Variants in MYO7B observed in about 807,000 individuals in gnomAD.
The protein encoded by MYO7B is unconventional myosin-VIIb.
MYO7B carries 212 observed loss-of-function variants against 259.7 expected under a neutral mutation model. The observed-to-expected ratio is 0.82, with a 90% CI of 0.73 to 0.91. The LOEUF (loss-of-function observed/expected upper bound fraction) is 0.91. MYO7B is among the 40% of genes least tolerant of loss of function. The pLI, the probability that MYO7B is intolerant of heterozygous loss-of-function variation, is 0.00. For synonymous variants in MYO7B, 1,197 were observed against 1,166.4 expected (o/e 1.03, Z -0.54); for missense variants, 2,732 against 2,813.5 (o/e 0.97, Z 0.66).
intron 1 of MYO7B, among the ~76,000 whole-genome samples, chr2:127,558,597 A>T (rs1677924007): frequency 6.6e-6 from 1 of 152,238 alleles, no homozygotes; most frequent in Non-Finnish European, 1.5e-5. Context: ...AACCAGCCCA[A>T]ATGCCTATCA....
Position 127,592,951 on chromosome 2 carries a change from G to C in MYO7B, c.2145+5G>C. 1 of 1,580,360 alleles carries C rather than the reference G, an allele frequency of 6.3e-7. No individual in the cohort carries two copies. The highest frequency in any genetic ancestry group is 1.2e-5 in the South Asian group (1 of 86,260). On this transcript the variant is annotated splice_donor_5th_base_variant and intron_variant, in intron 17 of 47. Transcript: ENST00000409816. Reference sequence around the variant, plus strand: ...CCCAACGCCATGCGGATGCAGGTCAGCGCCCCTCGGGGACGGTCACCTCTG... The same window carrying C: ...CCCAACGCCATGCGGATGCAGGTCACCGCCCCTCGGGGACGGTCACCTCTG...
rs1366714358 is a variant in MYO7B, at chr2:127,565,315, G to T, written c.215G>T (p.Arg72Leu). 1.2e-6 allele frequency: 2 copies of T among 1,614,042 alleles called. No individual in the cohort carries two copies. Among genetic ancestry groups the T allele is most frequent in the Admixed American group, 1.7e-5 (1 of 60,036 alleles). Residue 72 changes from arginine to leucine, a missense_variant, in exon 4 of 48, where the codon CGC (arginine) becomes CTC (leucine). This residue lies in a region of MYO7B where 1,906 missense variants were observed against 2,026.4 expected (regional missense o/e 0.94). Transcript: ENST00000409816. ...GTCCAGGGTGTGGACGACATGATCC[G>T]CCTGGGGGACCTGAACGAGGCAGGC... The part of the protein sequence containing the change: ...NSVQGVDDMI[R>L]LGDLNEAGMV...
rs1260921119 is a variant in MYO7B, at chr2:127,627,951, T to C, written c.4461-421T>C. The C allele has an allele frequency of 2.2e-6, 1 of 462,296 alleles. No individual in the cohort carries two copies. Among genetic ancestry groups the C allele is most frequent in the African/African-American group, 2.0e-5 (1 of 50,454 alleles). 28.6% of individuals were successfully genotyped at this position (462,296 alleles called of 1,614,324 possible). A position where few individuals can be genotyped will look rare whatever the true frequency, so the allele number is the denominator to read the frequency against. On this transcript the variant is annotated intron_variant, in intron 33 of 47. Coordinates refer to ENST00000409816, the MANE Select transcript of MYO7B (RefSeq NM_001393586.1). The surrounding 1 kb of genome is among the most constrained non-coding windows in gnomAD (Gnocchi z 5.6). ...CACTGAGGCTGACCATGCTGGGCAC[T>C]TTCCTGTATGCCACGAAGTACCGAC... is the stretch of plus-strand genomic sequence containing the variant.
In MYO7B at chr2:127,619,365, A is replaced by G. The variant is rs1573702077; in HGVS notation, c.3399-975A>G. Among the ~76,000 whole-genome samples the G allele has an allele frequency of 9.6e-5, 4 of 41,580 alleles. No homozygotes were observed. The South Asian group carries it at 3.9e-3, about 40-fold the overall frequency. The allele number at this position is 41,580 out of a possible 152,430, so 27.3% of individuals were successfully genotyped here. A position where few individuals can be genotyped will look rare whatever the true frequency, so the allele number is the denominator to read the frequency against. On this transcript the variant is annotated intron_variant, in intron 26 of 47. Transcript: ENST00000409816. Reference sequence around the variant, plus strand: ...GGGGGCCGGCTGGGTGGTGGGCGCCAGCTGAGTAGTGGGTGCCGGCTGGGT... The same window carrying G: ...GGGGGCCGGCTGGGTGGTGGGCGCCGGCTGAGTAGTGGGTGCCGGCTGGGT...
chr2:127,622,759 A>G (rs751694221), intron 28 of MYO7B, among the ~76,000 whole-genome samples: 4 of 152,182 alleles, frequency 2.6e-5, no homozygotes, highest in African/African-American at 9.7e-5. Flanking sequence ...TTGTAGGTGA[A>G]CTTGCAGTAG....
intron 22 of MYO7B, 77 bp downstream of exon 22, chr2:127,608,955 C>T (rs1680269523): frequency 2.0e-6 from 3 of 1,512,826 alleles, no homozygotes; most frequent in South Asian, 2.5e-5. Flanking sequence ...CTCAGTCCAC[C>T]TCTCGGCTCC....
intron 24 of MYO7B, among the ~76,000 whole-genome samples, chr2:127,610,658 C>T (rs1352372516): frequency 2.0e-5 from 3 of 152,266 alleles, no homozygotes; most frequent in Non-Finnish European, 2.9e-5. Context: ...AAATGAATTA[C>T]ATGCAGTGAC....
intron 36 of MYO7B, 22 bp from the exon 37 acceptor site, chr2:127,631,182 TCA>T: frequency 6.4e-7 from 1 of 1,574,460 alleles, no homozygotes; most frequent in Non-Finnish European, 8.7e-7. Flanking sequence ...AGGGCAGGCC[TCA>T]CACCAGCCTC....
At chr2:127,573,475 C>T (rs1353186173) in intron 6 of MYO7B, among the ~76,000 whole-genome samples, 1 of 152,222 alleles carries the variant, frequency 6.6e-6, no homozygotes, top group Admixed American at 6.5e-5. Context: ...TTGGCCTCTC[C>T]GTATCAGCCT....
rs369014039 is a variant in MYO7B, at chr2:127,635,128, G to A, written c.5722G>A (p.Val1908Met). The A allele has an allele frequency of 2.1e-5, 34 of 1,612,178 alleles. No individual in the cohort carries two copies. Among genetic ancestry groups the A allele is most frequent in the African/African-American group, 6.7e-5 (5 of 74,886 alleles). The change falls in exon 43 of 48, where the codon GTG (valine) becomes ATG (methionine). Residue 1908 changes from valine to methionine, a missense_variant. Val to Met is a conservative substitution (Grantham distance 21). Transcript: ENST00000409816. The stretch of plus-strand genomic sequence containing the variant: ...TGCTGGCCCTCGCCCAGGGGCCCCC[G>A]TGACGCTCCCCTACCAGGTGTACTT... ...KNKPQKEGAPVTLPYQVYFMR... is the reference protein window; with the variant it reads ...KNKPQKEGAPMTLPYQVYFMR...
chr2:127,593,755 G>A (rs1679660718), intron 18 of MYO7B, 111 bp downstream of exon 18: 2 of 972,204 alleles, frequency 2.1e-6, no homozygotes, highest in Non-Finnish European at 3.2e-6. Flanking sequence ...CAATGACACT[G>A]GGCAGCAGCT....
rs1164988521 is a variant in MYO7B at position 127,627,921 on chromosome 2, CCT to C, written c.4461-447_4461-446del. 1.5e-5 allele frequency: 7 copies of C among 460,040 alleles called. No individual in the cohort carries two copies. Among genetic ancestry groups the C allele is most frequent in the Non-Finnish European group, 3.0e-5 (7 of 229,600 alleles). 28.5% of individuals were successfully genotyped at this position (460,040 alleles called of 1,614,324 possible). On this transcript the variant is annotated intron_variant, in intron 33 of 47. Coordinates refer to ENST00000409816, the MANE Select transcript of MYO7B (RefSeq NM_001393586.1). This position sits in a 1 kb window ranked among gnomAD's most constrained non-coding sequence, Gnocchi z 5.6. The stretch of plus-strand genomic sequence containing the variant: ...AGTGGCCACCACTCCCCACTGGCCA[CCT>C]CTCACTGAGGCTGACCATGCTGGGC...
Position 127,602,436 on chromosome 2 carries a change from C to A in MYO7B, c.2340-3408C>A, listed in dbSNP as rs1266652661. Among the ~76,000 whole-genome samples, 4 of 152,084 alleles carry A rather than the reference C, an allele frequency of 2.6e-5. No homozygotes were observed. The East Asian group carries it at 7.7e-4, about 29-fold the overall frequency. On this transcript the variant is annotated intron_variant, in intron 19 of 47. Coordinates refer to ENST00000409816, the MANE Select transcript of MYO7B (RefSeq NM_001393586.1). ...GCCAAGGCAGGAGGATCACTTGAGG[C>A]CAGGAGTTCAAAACCTGCCTGGTCA...
chr2:127,591,595 C>CT (rs1204408514), intron 16 of MYO7B, among the ~76,000 whole-genome samples: 1 of 152,250 alleles, frequency 6.6e-6, no homozygotes, highest in African/African-American at 2.4e-5. Context: ...TGAAGCGCAG[C>CT]TAAACACTTA....
intron 43 of MYO7B, 50 bp from the exon 44 acceptor site, chr2:127,635,672 G>C: frequency 6.5e-7 from 1 of 1,537,852 alleles, no homozygotes. Flanking sequence ...GGTTGGGGGC[G>C]GGTGGGCCGC....
Position 127,574,061 on chromosome 2 carries a change from A to G in MYO7B, c.734A>G (p.Gln245Arg). Residue 245 changes from glutamine (Q) to arginine (R), a missense_variant and splice_region_variant, in exon 7 of 48, where the codon CAG becomes CGG. Physicochemically the swap from Gln to Arg is conservative, Grantham distance 43. Around this residue, in one of 3 missense-constraint regions of MYO7B, gnomAD observed 1,906 missense variants for 2,026.4 expected, o/e 0.94. Coordinates refer to ENST00000409816, the MANE Select transcript of MYO7B (RefSeq NM_001393586.1). The part of the protein sequence containing the change: ...FLLEKSRVCR[Q>R]APEERNYHIF... ...CTGGAGAAGTCCCGGGTCTGCCGGC[A>G]GGTGAGGCCTCCCCCTTCCCAGGTC... The G allele has an allele frequency of 6.2e-7, 1 of 1,613,950 alleles. No individual in the cohort carries two copies. Among genetic ancestry groups the G allele is most frequent in the Non-Finnish European group, 8.5e-7 (1 of 1,179,880 alleles).
Position 127,620,545 on chromosome 2 carries a change from G to A in MYO7B, c.3525+79G>A, listed in dbSNP as rs956468995. 7 of 1,389,110 alleles carry A rather than the reference G, an allele frequency of 5.0e-6. No individual in the cohort carries two copies. The African/African-American group carries it at 5.8e-5, about 11-fold the overall frequency. 86.0% of individuals were successfully genotyped at this position (1,389,110 alleles called of 1,614,324 possible). On this transcript the variant is annotated intron_variant, in intron 27 of 47. Coordinates refer to ENST00000409816, the MANE Select transcript of MYO7B (RefSeq NM_001393586.1). The stretch of plus-strand genomic sequence containing the variant: ...TAGGTGGCCCCTGGCCCTGGAGCAG[G>A]TCCACAGATTCCAGTACGTGGCCCA...
chr2:127,541,478 G>A (rs752725062), intron 1 of MYO7B, among the ~76,000 whole-genome samples: 1 of 152,232 alleles, frequency 6.6e-6, no homozygotes, highest in Non-Finnish European at 1.5e-5. Context: ...GTAGCAGAGG[G>A]TGTCAGACTT....
At chr2:127,616,079 C>A (rs1269084053) in intron 26 of MYO7B, among the ~76,000 whole-genome samples, 2 of 152,322 alleles carry the variant, frequency 1.3e-5, no homozygotes, top group South Asian at 4.1e-4. Context: ...CTGAAGCATC[C>A]GCTCCACAAG....
Sources: allele counts gnomAD v4.1 joint callset (sites outside exome capture counted in the v4.1 genomes callset), GRCh38; gene constraint gnomAD v4.1.1; regional missense constraint gnomAD v4.1.1; non-coding constraint Gnocchi (gnomAD v3.1); transcripts MANE v1.5; gene names NCBI Gene and HGNC (gene_info 2026-07-23, HGNC 2026-07-21).